Variants in BRAF observed in about 807,000 individuals in gnomAD.
BRAF encodes B-Raf proto-oncogene, serine/threonine kinase, also known as serine/threonine-protein kinase B-raf.
Under a neutral mutation model 104.6 loss-of-function variants are expected in BRAF, and 16 were observed. The ratio of observed to expected loss-of-function variants is 0.15; its 90% CI spans 0.10 to 0.23. The LOEUF is 0.23. Among genes scored for constraint, BRAF ranks in the 10% least tolerant of loss-of-function variants. The pLI, the probability that BRAF is intolerant of heterozygous loss-of-function variation, is 1.00. For synonymous variants in BRAF, 310 were observed against 341.6 expected (o/e 0.91, Z 1.02); for missense variants, 541 against 937.3 (o/e 0.58, Z 5.52).
At chr7:140,896,631 C>T (rs151130011) in intron 1 of BRAF, among the ~76,000 whole-genome samples, 3 of 150,956 alleles carry the variant, frequency 2.0e-5, no homozygotes, top group African/African-American at 4.9e-5. Flanking sequence ...TTTGGGAGGC[C>T]GAGGCAGGTG....
Position 140,777,205 on chromosome 7 carries a change from T to TA in BRAF, c.1638-118dup, listed in dbSNP as rs1052238345. ...TTGTCAGAAAAAGCTTTTTTTTTTT[T>TA]AAAAAAGGCAACAAAAGGATACATT... On this transcript the variant is annotated intron_variant, in intron 13 of 19. Coordinates refer to ENST00000644969, the MANE Select transcript of BRAF (RefSeq NM_001374258.1). 1.7e-3 allele frequency: 1,612 copies of TA among 931,464 alleles called. 2 individuals are homozygous for TA. In the Middle Eastern group the frequency reaches 0.025, roughly 15 times the overall value. 57.7% of individuals were successfully genotyped at this position (931,464 alleles called of 1,614,324 possible).
At chr7:140,759,037 C>A (rs1003514602) in intron 14 of BRAF, among the ~76,000 whole-genome samples, 2 of 152,180 alleles carry the variant, frequency 1.3e-5, no homozygotes, top group African/African-American at 2.4e-5. Context: ...GCTTCTTTTG[C>A]GCAGCAAAAC....
intron 1 of BRAF, among the ~76,000 whole-genome samples, chr7:140,885,157 C>T (rs563428361): frequency 6.6e-6 from 1 of 152,202 alleles, no homozygotes; most frequent in East Asian, 1.9e-4. Flanking sequence ...CAGGCATGTG[C>T]TACCACACCC....
intron 3 of BRAF, among the ~76,000 whole-genome samples, chr7:140,816,948 A>G (rs974270930): frequency 1.1e-4 from 16 of 152,094 alleles, no homozygotes; most frequent in Non-Finnish European, 2.1e-4. Context: ...CACTATTGGA[A>G]GTCCTAGCTA....
At chr7:140,774,839 G>C (rs776819420) in intron 14 of BRAF, among the ~76,000 whole-genome samples, 3 of 152,296 alleles carry the variant, frequency 2.0e-5, no homozygotes, top group African/African-American at 2.4e-5. Context: ...TGTGATGTGA[G>C]AAGGATTTGG....
At chr7:140,847,448 T>C (rs1327705317) in intron 2 of BRAF, among the ~76,000 whole-genome samples, 2 of 152,016 alleles carry the variant, frequency 1.3e-5, no homozygotes, top group Admixed American at 6.6e-5. Context: ...CTGGGTATGG[T>C]GGTGCATGCC....
In BRAF at chr7:140,845,444, A is replaced by G. The variant is rs140051136; in HGVS notation, c.240+4667T>C. ...AAAATATTTGCAAATTAAATATCCA[A>G]TAAGAACTGATATCTAGACTATATA... On this transcript the variant is annotated intron_variant, in intron 2 of 19. Coordinates refer to ENST00000644969, the MANE Select transcript of BRAF (RefSeq NM_001374258.1). 3.1e-4 allele frequency among the ~76,000 whole-genome samples: 47 copies of G among 152,354 alleles called. No individual in the cohort carries two copies. In the East Asian group the frequency reaches 7.7e-3, roughly 25 times the overall value.
At chr7:140,807,075 G>C (rs1474494784) in intron 5 of BRAF, among the ~76,000 whole-genome samples, 1 of 152,178 alleles carries the variant, frequency 6.6e-6, no homozygotes, top group East Asian at 1.9e-4. Flanking sequence ...TAGGGGATAA[G>C]TTCTCAAGTT....
chr7:140,878,547 T>A (rs1812516383), intron 1 of BRAF, among the ~76,000 whole-genome samples: 3 of 149,770 alleles, frequency 2.0e-5, no homozygotes, highest in African/African-American at 7.7e-5. Flanking sequence ...ACATAAAGGA[T>A]CTCATGGAGG....
At chr7:140,902,915 G>T (rs1815820712) in intron 1 of BRAF, among the ~76,000 whole-genome samples, 1 of 149,774 alleles carries the variant, frequency 6.7e-6, no homozygotes, top group South Asian at 2.1e-4. Flanking sequence ...CAAAGGACAG[G>T]ATGACTTTTT....
intron 2 of BRAF, among the ~76,000 whole-genome samples, chr7:140,840,983 G>A (rs1807900944): frequency 6.6e-6 from 1 of 151,926 alleles, no homozygotes; most frequent in South Asian, 2.1e-4. Flanking sequence ...CCAAAGTGCT[G>A]GGATTACAGG....
At position 140,721,669 on chromosome 7, in the gene BRAF, CA is replaced by C; in HGVS notation, c.*4824del. On this transcript the variant is annotated 3_prime_UTR_variant, in exon 20 of 20. Coordinates refer to ENST00000644969, the MANE Select transcript of BRAF (RefSeq NM_001374258.1). ...CTTCTGGGGCTCAACTACCGATGGG[CA>C]TCAGTAATCCATCCCAGTATAACAT... 1 of 1,534,864 alleles carries C rather than the reference CA, an allele frequency of 6.5e-7. No individual in the cohort carries two copies.
At chr7:140,737,429 T>C (rs1027184286) in intron 18 of BRAF, among the ~76,000 whole-genome samples, 2 of 152,230 alleles carry the variant, frequency 1.3e-5, no homozygotes, top group Non-Finnish European at 2.9e-5. Flanking sequence ...TGGAAATATT[T>C]ACACCTTTTC....
chr7:140,810,435 C>T (rs1235023609), intron 3 of BRAF, among the ~76,000 whole-genome samples: 2 of 151,966 alleles, frequency 1.3e-5, no homozygotes, highest in African/African-American at 4.8e-5. Flanking sequence ...CCGGGCAGAG[C>T]GGCGGGCGCC....
intron 3 of BRAF, among the ~76,000 whole-genome samples, chr7:140,814,899 C>T (rs974573981): frequency 4.7e-5 from 7 of 149,004 alleles, no homozygotes; most frequent in Non-Finnish European, 8.9e-5. Flanking sequence ...TTTAGGTGGT[C>T]ATCAAAATTG....
intron 3 of BRAF, among the ~76,000 whole-genome samples, chr7:140,821,730 C>T (rs1026983227): frequency 4.6e-5 from 7 of 152,064 alleles, no homozygotes; most frequent in African/African-American, 1.4e-4. Context: ...TCTCATTGCT[C>T]GGTATATATA....
rs1795450969 is a variant in BRAF, at chr7:140,723,916, AAC to A, written c.*2576_*2577del. 1.9e-6 allele frequency: 2 copies of A among 1,043,868 alleles called. No homozygotes were observed. Among genetic ancestry groups the A allele is most frequent in the Non-Finnish European group, 2.3e-6 (2 of 865,620 alleles). 64.7% of individuals were successfully genotyped at this position (1,043,868 alleles called of 1,614,324 possible). A position where few individuals can be genotyped will look rare whatever the true frequency, so the allele number is the denominator to read the frequency against. On this transcript the variant is annotated 3_prime_UTR_variant, in exon 20 of 20. Coordinates refer to ENST00000644969, the MANE Select transcript of BRAF (RefSeq NM_001374258.1). The stretch of plus-strand genomic sequence containing the variant: ...AAGCATCAAAAAATAAAGCAGATAA[AAC>A]ACAAATAAAACCTATTTTCATGTCA...
Position 140,723,874 on chromosome 7 carries a change from A to G in BRAF, c.*2620T>C, listed in dbSNP as rs1442509557. On this transcript the variant is annotated 3_prime_UTR_variant, in exon 20 of 20. Transcript: ENST00000644969. ...TTCCTCGTTTTTTTAGGAGCTCAGT[A>G]AGTCTAACTGTTGTCTAAGCATCAA... The G allele has an allele frequency of 1.1e-5, 11 of 1,046,580 alleles. No individual in the cohort carries two copies. Among genetic ancestry groups the G allele is most frequent in the African/African-American group, 1.7e-5 (1 of 60,068 alleles). The allele number at this position is 1,046,580 out of a possible 1,614,324, so 64.8% of individuals were successfully genotyped here.
In BRAF at chr7:140,720,973, G is replaced by C. The variant is rs993735804; in HGVS notation, c.*5521C>G. ...GTCACGGTGCTGGAGAATGAACTCG[G>C]CTGGCCGGGAGAAGCAGATGGTTTG... On this transcript the variant is annotated 3_prime_UTR_variant, in exon 20 of 20. Coordinates refer to ENST00000644969, the MANE Select transcript of BRAF (RefSeq NM_001374258.1). The C allele has an allele frequency of 9.4e-7, 1 of 1,064,480 alleles. No individual in the cohort carries two copies. Among genetic ancestry groups the C allele is most frequent in the African/African-American group, 1.6e-5 (1 of 61,002 alleles). The allele number at this position is 1,064,480 out of a possible 1,614,324, so 65.9% of individuals were successfully genotyped here.
Sources: gnomAD v4.1 joint callset for allele counts (sites outside exome capture counted in the v4.1 genomes callset) on GRCh38, gnomAD v4.1.1 for gene constraint, MANE v1.5 for transcripts, NCBI Gene and HGNC (gene_info 2026-07-23, HGNC 2026-07-21) for gene names.